The following SH3BGRL2 variants were observed in gnomAD, a reference collection of about 807,000 sequenced individuals.
SH3BGRL2 encodes SH3 domain binding glutamate rich protein like 2.
SH3BGRL2 carries 21 observed loss-of-function variants against 14.8 expected under a neutral mutation model. The observed-to-expected ratio is 1.42, with a 90% CI of 1.01 to 2.05. The LOEUF (loss-of-function observed/expected upper bound fraction) is 2.05. SH3BGRL2 is among the 30% of genes most tolerant of loss of function. The pLI, the probability that SH3BGRL2 is intolerant of heterozygous loss-of-function variation, is 0.00. For missense variants in SH3BGRL2, 147 were observed against 130.8 expected (o/e 1.12, Z -0.61); for synonymous variants, 50 against 47.8 (o/e 1.05, Z -0.19).
At chr6:79,672,543 C>A (rs1253866796) in intron 1 of SH3BGRL2, among the ~76,000 whole-genome samples, 1 of 151,444 alleles carries the variant, frequency 6.6e-6, no homozygotes, top group Non-Finnish European at 1.5e-5. Context: ...TGTTTTTTTT[C>A]TTTTTAAGCT....
intron 2 of SH3BGRL2, among the ~76,000 whole-genome samples, chr6:79,674,277 G>A (rs560419456): frequency 2.0e-4 from 30 of 151,964 alleles, no homozygotes; most frequent in Admixed American, 1.2e-3. Flanking sequence ...ATAGCTAATC[G>A]TAAACCAGAG....
At chr6:79,632,920 C>A (rs1171832589) in intron 1 of SH3BGRL2, among the ~76,000 whole-genome samples, 2 of 152,216 alleles carry the variant, frequency 1.3e-5, no homozygotes, top group Non-Finnish European at 2.9e-5. Context: ...TTGCATGCTT[C>A]AATAATTGTC....
chr6:79,627,493 AC>A (rs1257979025), upstream of SH3BGRL2, among the ~76,000 whole-genome samples: 1 of 152,142 alleles, frequency 6.6e-6, no homozygotes, highest in Non-Finnish European at 1.5e-5. Flanking sequence ...CATTGTTGAT[AC>A]CCATTTTATA....
chr6:79,650,911 A>G (rs1046423161), intron 1 of SH3BGRL2, among the ~76,000 whole-genome samples: 2 of 148,872 alleles, frequency 1.3e-5, no homozygotes, highest in Middle Eastern at 3.6e-3. Context: ...TATATAAGTA[A>G]TATATAAATA....
intron 1 of SH3BGRL2, among the ~76,000 whole-genome samples, chr6:79,648,031 A>G (rs1769177451): frequency 6.6e-6 from 1 of 151,630 alleles, no homozygotes; most frequent in Non-Finnish European, 1.5e-5. Flanking sequence ...AATTAACACA[A>G]ATGAAATGAT....
intron 1 of SH3BGRL2, among the ~76,000 whole-genome samples, chr6:79,655,853 CTG>C (rs1769399675): frequency 6.6e-6 from 1 of 152,166 alleles, no homozygotes; most frequent in Admixed American, 6.5e-5. Context: ...ATCTGAAACT[CTG>C]GGGGCTATTC....
chr6:79,609,235 G>T, the SH3BGRL2 span, among the ~76,000 whole-genome samples: 1 of 152,146 alleles, frequency 6.6e-6, no homozygotes, highest in African/African-American at 2.4e-5. Context: ...AAGTCATTAG[G>T]TATCATTGGC....
At chr6:79,637,152 A>G (rs1476721964) in intron 1 of SH3BGRL2, among the ~76,000 whole-genome samples, 1 of 152,214 alleles carries the variant, frequency 6.6e-6, no homozygotes, top group Admixed American at 6.5e-5. Flanking sequence ...CTGCTAGAAA[A>G]TAGGATTTAT....
chr6:79,614,315 C>T, the SH3BGRL2 span, among the ~76,000 whole-genome samples: 1 of 152,102 alleles, frequency 6.6e-6, no homozygotes, highest in East Asian at 1.9e-4. Flanking sequence ...GTTTGGTTGT[C>T]CAAGAACCAA....
chr6:79,688,218 CA>C (rs139965125), intron 2 of SH3BGRL2, among the ~76,000 whole-genome samples: 4,046 of 149,772 alleles, frequency 0.027, 189 homozygotes, highest in African/African-American at 0.094. Flanking sequence ...AAAACAAAAA[CA>C]AAAAACCACA....
At chr6:79,558,772 G>A in the SH3BGRL2 span, among the ~76,000 whole-genome samples, 1 of 152,118 alleles carries the variant, frequency 6.6e-6, no homozygotes, top group African/African-American at 2.4e-5. Flanking sequence ...GTGCTCAAAT[G>A]TTGGTCTCTG....
chr6:79,649,981 T>TCA (rs750538104), intron 1 of SH3BGRL2, among the ~76,000 whole-genome samples: 56 of 91,892 alleles, frequency 6.1e-4, no homozygotes, highest in East Asian at 1.6e-3. Context: ...TCTCTCTCTC[T>TCA]CTCTCACACA....
chr6:79,669,787 A>G (rs1019655279), intron 1 of SH3BGRL2, among the ~76,000 whole-genome samples: 3 of 152,142 alleles, frequency 2.0e-5, no homozygotes, highest in African/African-American at 4.8e-5. Context: ...AAACAAATAC[A>G]TAGTATCTAC....
chr6:79,635,045 C>T (rs1299735992), intron 1 of SH3BGRL2, among the ~76,000 whole-genome samples: 1 of 152,160 alleles, frequency 6.6e-6, no homozygotes, highest in Non-Finnish European at 1.5e-5. Flanking sequence ...CTTAGCATCT[C>T]AGAGATGTCT....
the SH3BGRL2 span, among the ~76,000 whole-genome samples, chr6:79,551,428 G>A: frequency 3.4e-5 from 5 of 148,092 alleles, no homozygotes; most frequent in East Asian, 1.0e-3. Flanking sequence ...CATCAATGCT[G>A]TGAATCACTC....
At chr6:79,640,582 T>C (rs1004589512) in intron 1 of SH3BGRL2, among the ~76,000 whole-genome samples, 4 of 152,124 alleles carry the variant, frequency 2.6e-5, no homozygotes, top group Admixed American at 2.0e-4. Context: ...CCCAAGGGGA[T>C]CTACTCTTTT....
chr6:79,667,439 T>C (rs1769681915), intron 1 of SH3BGRL2, among the ~76,000 whole-genome samples: 1 of 103,696 alleles, frequency 9.6e-6, no homozygotes, highest in Non-Finnish European at 1.9e-5. Context: ...GAGGTAGCTT[T>C]AGGCTAAGTT....
At chr6:79,624,896 G>C in the SH3BGRL2 span, among the ~76,000 whole-genome samples, 1 of 152,092 alleles carries the variant, frequency 6.6e-6, no homozygotes, top group Admixed American at 6.5e-5. Context: ...TCCTGGGTGG[G>C]CTCCATGGCT....
intron 1 of SH3BGRL2, among the ~76,000 whole-genome samples, chr6:79,665,079 A>G (rs1019550257): frequency 6.6e-6 from 1 of 152,124 alleles, no homozygotes; most frequent in African/African-American, 2.4e-5. Flanking sequence ...GGGCGCCTGT[A>G]GTCCCAGCTA....
Sources: allele counts gnomAD v4.1 joint callset (sites outside exome capture counted in the v4.1 genomes callset), GRCh38; gene constraint gnomAD v4.1.1; transcripts MANE v1.5; gene names NCBI Gene and HGNC (gene_info 2026-07-23, HGNC 2026-07-21).